The following KTN1 variants were observed in gnomAD, a reference collection of about 807,000 sequenced individuals.
KTN1 encodes kinectin 1, also known as kinectin.
In KTN1, 130 loss-of-function variants were observed where a neutral mutation model predicts 222.5. The observed-to-expected ratio is 0.58, with a 90% CI of 0.51 to 0.68. The LOEUF is 0.68. Ranked by LOEUF, KTN1 falls within the 30% of genes least tolerant of loss-of-function variation. The pLI, the probability that KTN1 is intolerant of heterozygous loss-of-function variation, is 0.00. For missense variants in KTN1, 1,508 were observed against 1,500.4 expected, an observed-to-expected ratio of 1.01 and a Z score of -0.08; for synonymous variants, 512 against 496.3, an observed-to-expected ratio of 1.03 and a Z score of -0.42.
chr14:55,604,257 T>C lies in KTN1; in HGVS notation c.-30-7762T>C, dbSNP rs367678760. 4.3e-4 allele frequency among the ~76,000 whole-genome samples: 65 copies of C among 152,358 alleles called. 2 individuals are homozygous for C. In the South Asian group the frequency reaches 0.013, roughly 31 times the overall value. ...TGCTCATATATAGCAGGTATGTTAC[T>C]GTCTCATGATCTTTGTGCTTGCTCT... On this transcript the variant is annotated intron_variant, in intron 1 of 43. Coordinates refer to ENST00000395314, the MANE Select transcript of KTN1 (RefSeq NM_001079521.2).
At chr14:55,678,239 T>C (rs892943601) in intron 41 of KTN1, 113 bp from the exon 42 acceptor site, 3 of 646,134 alleles carry the variant, frequency 4.6e-6, no homozygotes, top group Non-Finnish European at 8.0e-6. Context: ...GGGAAAAACC[T>C]GTGTCGTCTT....
intron 18 of KTN1, among the ~76,000 whole-genome samples, chr14:55,645,442 A>T (rs1299173455): frequency 6.6e-6 from 1 of 152,210 alleles, no homozygotes; most frequent in African/African-American, 2.4e-5. Context: ...TTAGCCTAAC[A>T]TTTTAGAAAG....
At chr14:55,626,346 A>G (rs1377990058) in intron 5 of KTN1, among the ~76,000 whole-genome samples, 4 of 151,956 alleles carry the variant, frequency 2.6e-5, no homozygotes, top group East Asian at 1.9e-4. Flanking sequence ...CAACTGTAGT[A>G]TTATTTCTGG....
chr14:55,671,596 G>A lies in KTN1; in HGVS notation c.3379G>A (p.Glu1127Lys). 1.2e-6 allele frequency: 2 copies of A among 1,612,646 alleles called. No individual in the cohort carries two copies. The highest frequency in any genetic ancestry group is 1.7e-6 in the Non-Finnish European group (2 of 1,179,462). The change falls in exon 36 of 44, where the codon GAA becomes AAA. Residue 1127 changes from glutamate (E) to lysine (K), a missense_variant. By Grantham distance (56) the Glu-to-Lys change is moderately conservative. Coordinates refer to ENST00000395314, the MANE Select transcript of KTN1 (RefSeq NM_001079521.2). ...AGAGCACAAGTTGAAAGAAGCTGAT[G>A]AAATGCACACATTGTTACAGCTAGA... ...VLEHKLKEAD[E>K]MHTLLQLECE...
intron 28 of KTN1, among the ~76,000 whole-genome samples, chr14:55,654,464 T>G (rs2043252382): frequency 6.6e-6 from 1 of 152,172 alleles, no homozygotes; most frequent in South Asian, 2.1e-4. Context: ...GCTTAGGGCC[T>G]CATTTCTGGC....
chr14:55,619,069 C>T, intron 4 of KTN1, 113 bp from the exon 5 acceptor site: 2 of 769,528 alleles, frequency 2.6e-6, no homozygotes, highest in Non-Finnish European at 4.1e-6. Context: ...TATCTGTTTT[C>T]TTTCGGTTAT....
At chr14:55,610,400 C>T (rs2147114) in intron 1 of KTN1, among the ~76,000 whole-genome samples, 9,195 of 152,148 alleles carry the variant, frequency 0.06, 384 homozygotes, top group South Asian at 0.09. Context: ...AGTTCAAACC[C>T]GTGTTGTTAC....
At chr14:55,593,441 C>CT (rs1406943133) in intron 1 of KTN1, among the ~76,000 whole-genome samples, 4 of 140,496 alleles carry the variant, frequency 2.8e-5, no homozygotes, top group Non-Finnish European at 4.7e-5. Context: ...TAGACACCCC[C>CT]CCCCCAAAAA....
At chr14:55,626,220 C>T (rs1365156620) in intron 5 of KTN1, among the ~76,000 whole-genome samples, 1 of 150,848 alleles carries the variant, frequency 6.6e-6, no homozygotes, top group Non-Finnish European at 1.5e-5. Flanking sequence ...AAAAAAAAAA[C>T]CCTAACACAT....
At chr14:55,637,106 GT>G (rs2041218020) in intron 10 of KTN1, 91 bp from the exon 11 acceptor site, 1 of 895,516 alleles carries the variant, frequency 1.1e-6, no homozygotes, top group East Asian at 2.7e-5. Context: ...TTCAAAGAAG[GT>G]TTTCTAGAGG....
At chr14:55,646,439 T>C (rs1000337586) in intron 18 of KTN1, among the ~76,000 whole-genome samples, 3 of 108,832 alleles carry the variant, frequency 2.8e-5, no homozygotes, top group African/African-American at 1.1e-4. Context: ...TCCTTTCCTT[T>C]CCTTTTCCTT....
At chr14:55,615,115 A>T (rs1358534028) in intron 2 of KTN1, among the ~76,000 whole-genome samples, 2 of 152,200 alleles carry the variant, frequency 1.3e-5, no homozygotes, top group East Asian at 3.9e-4. Context: ...CCGCAAAGGA[A>T]TATTTCAAGT....
intron 7 of KTN1, among the ~76,000 whole-genome samples, chr14:55,631,341 GATATATATATATATATATAT>G (rs56190231): frequency 2.6e-5 from 3 of 114,718 alleles, no homozygotes; most frequent in African/African-American, 1.1e-4. Context: ...TGATAAGGTT[GATATATATATATATATATAT>G]ATATATATGT....
chr14:55,627,101 A>G (rs1044902146), intron 5 of KTN1, among the ~76,000 whole-genome samples: 1 of 152,124 alleles, frequency 6.6e-6, no homozygotes, highest in African/African-American at 2.4e-5. Context: ...GTCTTTCCTT[A>G]TATGCTTTGA....
At chr14:55,682,887 T>A (rs1252456167) in intron 43 of KTN1, 1 of 152,054 alleles carries the variant, frequency 6.6e-6, no homozygotes, top group Non-Finnish European at 1.5e-5. Flanking sequence ...CTCTTAGAAG[T>A]TTTGTCAATC....
chr14:55,581,294 A>T (rs867307495), intron 1 of KTN1, among the ~76,000 whole-genome samples: 1 of 152,236 alleles, frequency 6.6e-6, no homozygotes, highest in African/African-American at 2.4e-5. Context: ...TGACTAGGTT[A>T]GGTTGAAAGT....
In KTN1 at chr14:55,670,750, G is replaced by A. The variant is rs2141308895; in HGVS notation, c.3289G>A (p.Gly1097Arg). Residue 1097 changes from glycine (G) to arginine (R), a missense_variant, in exon 35 of 44, where the codon GGA becomes AGA. Coordinates refer to ENST00000395314, the MANE Select transcript of KTN1 (RefSeq NM_001079521.2). ...SNLSYGEWLH[G>R]FEKKAKECMA... is the part of the protein sequence containing the mutation. ...ACAGAGTTATGGTGAATGGTTGCAT[G>A]GATTTGAAAAAAAGGCAAAAGAATG... 1.9e-6 allele frequency: 3 copies of A among 1,608,836 alleles called. 1 individual carries two copies. The South Asian group carries it at 3.3e-5, about 18-fold the overall frequency.
intron 1 of KTN1, among the ~76,000 whole-genome samples, chr14:55,604,575 C>T (rs562960450): frequency 9.2e-5 from 14 of 152,262 alleles, no homozygotes; most frequent in Non-Finnish European, 1.6e-4. Context: ...CTACTTGTTA[C>T]CCTTTCATAT....
chr14:55,586,928 G>T (rs2033132251), intron 1 of KTN1, among the ~76,000 whole-genome samples: 1 of 152,046 alleles, frequency 6.6e-6, no homozygotes, highest in Non-Finnish European at 1.5e-5. Context: ...ATTTCTTAAT[G>T]GTTACCTCGA....
Sources: allele counts gnomAD v4.1 joint callset (sites outside exome capture counted in the v4.1 genomes callset), GRCh38; gene constraint gnomAD v4.1.1; transcripts MANE v1.5; gene names NCBI Gene and HGNC (gene_info 2026-07-23, HGNC 2026-07-21).